Variants in ALMS1 observed in about 807,000 individuals in gnomAD.
ALMS1 encodes the protein ALMS1 centrosome and basal body associated protein.
A neutral mutation model predicts 352.2 loss-of-function variants in ALMS1; 271 were observed. That is an observed-to-expected ratio of 0.77 (90% CI 0.70 to 0.85). The LOEUF (loss-of-function observed/expected upper bound fraction) is 0.85. Ranked by LOEUF, ALMS1 falls within the 40% of genes least tolerant of loss-of-function variation. The probability of loss-of-function intolerance (pLI) is 0.00; values close to 1 mark genes in which losing one functional copy is unlikely to be tolerated. For synonymous variants in ALMS1, 1,865 were observed against 1,761.2 expected (o/e 1.06, Z -1.48); for missense variants, 5,445 against 4,870.7 (o/e 1.12, Z -3.51).
chr2:73,599,304 A>T (rs1197252966), intron 16 of ALMS1, 97 bp from the exon 17 acceptor site: 2 of 1,495,412 alleles, frequency 1.3e-6, no homozygotes, highest in East Asian at 4.5e-5. Context: ...AACAGTTTGA[A>T]TTGGATTAGA....
chr2:73,474,429 G>GT (rs1672541283), intron 9 of ALMS1, among the ~76,000 whole-genome samples: 4 of 143,472 alleles, frequency 2.8e-5, no homozygotes, highest in African/African-American at 1.1e-4. Context: ...TTACATGACG[G>GT]TGAAGAACTA....
At position 73,547,233 on chromosome 2, in the gene ALMS1, A is replaced by G. The variant is rs543592897; in HGVS notation, c.9908-3034A>G. On this transcript the variant is annotated intron_variant, in intron 12 of 22. Transcript: ENST00000613296. ...AGGGGCATTAAATACATTTTTGACT[A>G]ACAGTATTTTCAACCTATGATGGAC... is the stretch of plus-strand genomic sequence containing the variant. Among the ~76,000 whole-genome samples, 7 of 152,278 alleles carry G rather than the reference A, an allele frequency of 4.6e-5. No individual in the cohort carries two copies. In the South Asian group the frequency reaches 1.5e-3, roughly 32 times the overall value.
At chr2:73,388,830 G>A (rs897231344) in intron 1 of ALMS1, among the ~76,000 whole-genome samples, 1 of 152,052 alleles carries the variant, frequency 6.6e-6, no homozygotes, top group African/African-American at 2.4e-5. Flanking sequence ...TCTAGCTGGT[G>A]TAGAACACCT....
chr2:73,509,900 C>G (rs1394971959), intron 10 of ALMS1, among the ~76,000 whole-genome samples: 1 of 152,172 alleles, frequency 6.6e-6, no homozygotes, highest in East Asian at 1.9e-4. Context: ...GTACACCAAT[C>G]AAACGTACGT....
At chr2:73,481,211 T>A (rs1409718431) in intron 9 of ALMS1, among the ~76,000 whole-genome samples, 2 of 152,298 alleles carry the variant, frequency 1.3e-5, no homozygotes, top group Admixed American at 1.3e-4. Flanking sequence ...TGGTTTTCAG[T>A]CTAACATGTA....
intron 3 of ALMS1, among the ~76,000 whole-genome samples, chr2:73,422,539 C>G (rs1018580489): frequency 1.3e-5 from 2 of 152,140 alleles, no homozygotes; most frequent in African/African-American, 4.8e-5. Flanking sequence ...TCTGGCATTT[C>G]AGCTACTTGA....
At chr2:73,470,043 G>T (rs1358601831) in intron 9 of ALMS1, 1 of 151,810 alleles carries the variant, frequency 6.6e-6, no homozygotes, top group African/African-American at 2.4e-5. Context: ...TTTTGCATCA[G>T]TGTGATGTCT....
intron 9 of ALMS1, among the ~76,000 whole-genome samples, chr2:73,482,233 T>C (rs1393266154): frequency 2.6e-5 from 4 of 152,220 alleles, no homozygotes; most frequent in Admixed American, 6.5e-5. Flanking sequence ...ATAACTCTTA[T>C]TATTTTGAAA....
chr2:73,609,539 T>G, intron 22 of ALMS1, 29 bp from the exon 23 acceptor site: 1 of 1,613,230 alleles, frequency 6.2e-7, no homozygotes, highest in Non-Finnish European at 8.5e-7. Flanking sequence ...AATATCTAAC[T>G]TCTTTCCTGC....
intron 11 of ALMS1, among the ~76,000 whole-genome samples, chr2:73,525,287 C>T (rs1227180948): frequency 6.6e-6 from 1 of 152,100 alleles, no homozygotes; most frequent in Non-Finnish European, 1.5e-5. Flanking sequence ...TGGTTATATA[C>T]CTAGCAGTGG....
chr2:73,528,663 T>A (rs2103979551), intron 11 of ALMS1, among the ~76,000 whole-genome samples: 1 of 151,794 alleles, frequency 6.6e-6, no homozygotes, highest in Non-Finnish European at 1.5e-5. Flanking sequence ...TGGGTCTTGT[T>A]TTTTTTTGCA....
intron 16 of ALMS1, among the ~76,000 whole-genome samples, chr2:73,576,123 G>A (rs1206411463): frequency 6.6e-6 from 1 of 152,028 alleles, no homozygotes; most frequent in Non-Finnish European, 1.5e-5. Flanking sequence ...AAATCGTTTA[G>A]CCATATACGT....
At chr2:73,601,543 G>T (rs889207444) in intron 19 of ALMS1, 107 bp downstream of exon 19, 1 of 1,512,610 alleles carries the variant, frequency 6.6e-7, no homozygotes, top group Non-Finnish European at 9.0e-7. Flanking sequence ...GGCCTGAGAC[G>T]CTCTTTTCCA....
chr2:73,386,367 A>G (rs765462976), intron 1 of ALMS1, among the ~76,000 whole-genome samples, 175 bp downstream of exon 1: 1 of 152,254 alleles, frequency 6.6e-6, no homozygotes, highest in East Asian at 1.9e-4. Flanking sequence ...CGCGTCTCCC[A>G]GGCTTTGTGG....
intron 13 of ALMS1, among the ~76,000 whole-genome samples, chr2:73,554,590 G>T (rs973524677): frequency 8.5e-5 from 13 of 152,056 alleles, no homozygotes; most frequent in Middle Eastern, 3.4e-3. Flanking sequence ...GCGGGCGCCT[G>T]TAGTCCCAGC....
chr2:73,575,812 CAT>C (rs913292437), intron 16 of ALMS1, among the ~76,000 whole-genome samples: 2 of 151,786 alleles, frequency 1.3e-5, no homozygotes, highest in Non-Finnish European at 2.9e-5. Flanking sequence ...TGTCTTCTGA[CAT>C]ATAGAAGTTT....
intron 14 of ALMS1, among the ~76,000 whole-genome samples, chr2:73,558,236 A>G (rs1433812033): frequency 6.6e-6 from 1 of 152,208 alleles, no homozygotes; most frequent in Non-Finnish European, 1.5e-5. Context: ...ATATTAGAGG[A>G]CAGATAGTAT....
At chr2:73,566,782 C>A (rs1268935485) in intron 15 of ALMS1, among the ~76,000 whole-genome samples, 2 of 152,216 alleles carry the variant, frequency 1.3e-5, no homozygotes, top group Non-Finnish European at 2.9e-5. Context: ...ATACTTCTGA[C>A]CAACTAGCTC....
At chr2:73,516,708 C>G (rs1455481758) in intron 10 of ALMS1, among the ~76,000 whole-genome samples, 1 of 152,184 alleles carries the variant, frequency 6.6e-6, no homozygotes, top group Non-Finnish European at 1.5e-5. Flanking sequence ...TCATGCATTT[C>G]TTGCAGTTAA....
Sources: gnomAD v4.1 joint callset for allele counts (sites outside exome capture counted in the v4.1 genomes callset) on GRCh38, gnomAD v4.1.1 for gene constraint, MANE v1.5 for transcripts, NCBI Gene and HGNC (gene_info 2026-07-23, HGNC 2026-07-21) for gene names.